LIPA: variants seen among roughly 807,000 people sequenced by gnomAD.
LIPA encodes lipase A, lysosomal acid type.
LIPA carries 26 observed loss-of-function variants against 40.6 expected under a neutral mutation model. The ratio of observed to expected loss-of-function variants is 0.64; its 90% CI spans 0.47 to 0.89. The LOEUF (loss-of-function observed/expected upper bound fraction) is 0.89, where lower values mean the gene tolerates loss of function less well. Among genes scored for constraint, LIPA ranks in the 40% least tolerant of loss-of-function variants. The pLI is 0.00. For synonymous variants in LIPA, 188 were observed against 168.4 expected (o/e 1.12, Z -0.90); for missense variants, 455 against 479.6 (o/e 0.95, Z 0.48).
At chr10:89,328,041 C>T (rs1199695859) in intron 1 of LIPA, 1 of 1,613,684 alleles carries the variant, frequency 6.2e-7, no homozygotes, top group South Asian at 1.1e-5. Context: ...TGGTCACCAG[C>T]TTTTCGGAAC....
chr10:89,227,154 G>T (rs1168763194), intron 4 of LIPA, 150 bp from the exon 5 acceptor site: 1 of 670,154 alleles, frequency 1.5e-6, no homozygotes. Flanking sequence ...CAGGACTGCA[G>T]AAGCCCCCTT....
intron 2 of LIPA, among the ~76,000 whole-genome samples, chr10:89,381,319 AG>A (rs1437030289): frequency 3.3e-5 from 5 of 152,088 alleles, no homozygotes. Flanking sequence ...CATCTTCTGT[AG>A]GGGTGGTGAC....
rs1039135275 is a variant in LIPA at position 89,339,539 on chromosome 10, C to T, written c.-2+3072G>A. The stretch of plus-strand genomic sequence containing the variant: ...GCAAAAGTAAGACAAATGCAGAATA[C>T]AGGAGAATCTGAAGCTAGTGGAAAT... On this transcript the variant is annotated intron_variant, in intron 1 of 5. Coordinates refer to the LIPA transcript ENST00000282673. 22 of 1,614,096 alleles carry T rather than the reference C, an allele frequency of 1.4e-5. No individual in the cohort carries two copies. Among genetic ancestry groups the T allele is most frequent in the Non-Finnish European group, 1.8e-5 (21 of 1,180,002 alleles).
chr10:89,263,628 G>A (rs1025952240), intron 1 of LIPA, among the ~76,000 whole-genome samples: 1 of 152,256 alleles, frequency 6.6e-6, no homozygotes, highest in African/African-American at 2.4e-5. Context: ...ATAGCATATG[G>A]AACTGTCATA....
intron 1 of LIPA, among the ~76,000 whole-genome samples, chr10:89,273,777 T>C (rs549001132): frequency 6.1e-4 from 93 of 152,348 alleles, no homozygotes; most frequent in African/African-American, 2.2e-3. Flanking sequence ...AGGTATTTTA[T>C]TGGGCCTCAT....
Position 89,311,965 on chromosome 10 carries a change from G to A in LIPA, c.-2+30646C>T, listed in dbSNP as rs189121290. On this transcript the variant is annotated intron_variant, in intron 1 of 5. Transcript: ENST00000282673. The stretch of plus-strand genomic sequence containing the variant: ...AATCCTCTCCACACCCAGAATGCTA[G>A]TTTTCTCTCCTCTCTCTCTGTCTGT... Among the ~76,000 whole-genome samples, 3 of 152,238 alleles carry A rather than the reference G, an allele frequency of 2.0e-5. No homozygotes were observed. In the East Asian group the frequency reaches 5.8e-4, roughly 29 times the overall value.
intron 2 of LIPA, among the ~76,000 whole-genome samples, chr10:89,397,118 G>A (rs1001654591): frequency 1.2e-4 from 18 of 152,078 alleles, no homozygotes; most frequent in South Asian, 8.3e-4. Context: ...TCTAATTCAT[G>A]TAGTCTAGTG....
At chr10:89,392,483 C>T (rs1342092145) in intron 2 of LIPA, 2 of 162,114 alleles carry the variant, frequency 1.2e-5, no homozygotes, top group Non-Finnish European at 1.3e-5. Flanking sequence ...CCCCCCCCGT[C>T]AGCAGGAATT....
At chr10:89,364,135 G>A (rs1023386605) in intron 2 of LIPA, among the ~76,000 whole-genome samples, 3 of 152,174 alleles carry the variant, frequency 2.0e-5, no homozygotes, top group Admixed American at 2.0e-4. Context: ...GGCACACATC[G>A]CATCATCAGC....
At chr10:89,349,087 G>A (rs1308124695) in intron 2 of LIPA, among the ~76,000 whole-genome samples, 1 of 152,134 alleles carries the variant, frequency 6.6e-6, no homozygotes, top group Non-Finnish European at 1.5e-5. Flanking sequence ...GATTTTCTCT[G>A]AGCTCCCTTT....
chr10:89,240,485 T>C (rs1842952532), intron 3 of LIPA, among the ~76,000 whole-genome samples: 1 of 152,310 alleles, frequency 6.6e-6, no homozygotes, highest in South Asian at 2.1e-4. Context: ...TAAATAAATG[T>C]TGTAAAAGAA....
At chr10:89,308,667 G>A (rs1438895893) in intron 1 of LIPA, 1 of 152,120 alleles carries the variant, frequency 6.6e-6, no homozygotes. Flanking sequence ...CCACACTCTG[G>A]GTTGGAAAAT....
In LIPA at chr10:89,397,856, C is replaced by CA. The variant is rs1844367366; in HGVS notation, c.61+14934_61+14935insT. ...CACGTTTTTGTTATTTTTCTATTTA[C>CA]TTTGTTTGGAGTACCTTTGCCATAA... On this transcript the variant is annotated intron_variant, in intron 2 of 8. Transcript: ENST00000371837. Among the ~76,000 whole-genome samples, 3 of 152,130 alleles carry CA rather than the reference C, an allele frequency of 2.0e-5. No individual in the cohort carries two copies. In the South Asian group the frequency reaches 6.2e-4, roughly 31 times the overall value.
intron 2 of LIPA, chr10:89,403,119 C>T: frequency 6.2e-7 from 1 of 1,614,154 alleles, no homozygotes; most frequent in Non-Finnish European, 8.5e-7. Flanking sequence ...GCAGGAAACA[C>T]CCACTTCTGT....
rs369931219 is a variant in LIPA, at chr10:89,310,853, T to TA, written c.-2+31757dup. Among the ~76,000 whole-genome samples the TA allele has an allele frequency of 1.1e-3, 174 of 152,324 alleles. 1 individual carries two copies. Among genetic ancestry groups the TA allele is most frequent in the African/African-American group, 4.1e-3 (170 of 41,576 alleles). ...CTACCAAACAGGTAAACGATACAAA[T>TA]AGACCCCAGAGCCTTGGTTTATGTC... On this transcript the variant is annotated intron_variant, in intron 1 of 5. Coordinates refer to the LIPA transcript ENST00000282673.
chr10:89,368,533 T>A (rs944732995), intron 2 of LIPA, among the ~76,000 whole-genome samples: 3 of 152,206 alleles, frequency 2.0e-5, no homozygotes, highest in African/African-American at 7.2e-5. Flanking sequence ...TGCTGATGGA[T>A]TTCATGGGCT....
chr10:89,403,350 G>A, intron 2 of LIPA: 2 of 1,613,086 alleles, frequency 1.2e-6, no homozygotes, highest in Non-Finnish European at 1.7e-6. Flanking sequence ...TCACAGAAAA[G>A]CTGAAGAGAA....
In LIPA at chr10:89,223,823, A is replaced by C. The variant is rs2228159; in HGVS notation, c.683T>G (p.Phe228Cys). The C allele has an allele frequency of 6.8e-6, 11 of 1,614,002 alleles. No homozygotes were observed. The highest frequency in any genetic ancestry group is 8.5e-6 in the Non-Finnish European group (10 of 1,179,990). ...RLPDHLIKDLFGDKEFLPQSA... is the reference protein window; with the variant it reads ...RLPDHLIKDLCGDKEFLPQSA... ...CTGGGGAAGAAATTCTTTGTCTCCA[A>C]ATAAGTCCTACAAAATAAAAAGAAA... is the stretch of plus-strand genomic sequence containing the variant. Residue 228 changes from phenylalanine to cysteine, a missense_variant, in exon 7 of 10, where the codon TTT becomes TGT. Transcript: ENST00000336233.
Position 89,225,247 on chromosome 10 carries a change from G to GA in LIPA, c.539-20dup, listed in dbSNP as rs749831635. 10 of 1,613,864 alleles carry GA rather than the reference G, an allele frequency of 6.2e-6. No homozygotes were observed. In the East Asian group the frequency reaches 1.6e-4, roughly 25 times the overall value. On this transcript the variant is annotated intron_variant, in intron 5 of 9. Coordinates refer to ENST00000336233, the MANE Select transcript of LIPA (RefSeq NM_000235.4). The stretch of plus-strand genomic sequence containing the variant: ...ATAAAACCTGTGAGAACAAAGGACA[G>GA]AAAACAGGAATTCCATCATCTGGGA...
Sources: allele counts gnomAD v4.1 joint callset (sites outside exome capture counted in the v4.1 genomes callset), GRCh38; gene constraint gnomAD v4.1.1; transcripts MANE v1.5; gene names NCBI Gene and HGNC (gene_info 2026-07-23, HGNC 2026-07-21).